Variants in RAB11FIP3 observed in about 807,000 individuals in gnomAD.
RAB11FIP3 encodes the protein RAB11 family interacting protein 3.
In RAB11FIP3, 17 loss-of-function variants were observed where a neutral mutation model predicts 77.8. The observed-to-expected ratio is 0.22, with a 90% CI of 0.15 to 0.33. The LOEUF is 0.33. RAB11FIP3 is among the 10% of genes least tolerant of loss of function. RAB11FIP3 has a pLI of 1.00. For missense variants in RAB11FIP3, 1,005 were observed against 1,011.2 expected (o/e 0.99, Z 0.08); for synonymous variants, 437 against 448.2 (o/e 0.98, Z 0.31).
rs11642748 is a variant in RAB11FIP3, at chr16:471,579, G to A, written c.903+190G>A. ...AGGCCCACAGTTGTCTGTCCCACACGCCCTGTCAGCCTGGGCAGGAATCCT... is the reference window on the plus strand; with the variant it reads ...AGGCCCACAGTTGTCTGTCCCACACACCCTGTCAGCCTGGGCAGGAATCCT... On this transcript the variant is annotated intron_variant, in intron 3 of 13. Transcript: ENST00000262305. The surrounding 1 kb of genome is among the most constrained non-coding windows in gnomAD (Gnocchi z 4.4). Among the ~76,000 whole-genome samples, 724 of 152,290 alleles carry A rather than the reference G, an allele frequency of 4.8e-3. 7 individuals are homozygous for A. Among genetic ancestry groups the A allele is most frequent in the Non-Finnish European group, 8.0e-3 (542 of 68,024 alleles).
chr16:493,689 C>T (rs574657126), intron 5 of RAB11FIP3, among the ~76,000 whole-genome samples: 2 of 152,162 alleles, frequency 1.3e-5, no homozygotes, highest in Admixed American at 6.5e-5. Context: ...TCACTGCAAC[C>T]TCTGCCTCCC....
intron 2 of RAB11FIP3, among the ~76,000 whole-genome samples, chr16:468,255 AGGAGGTGCAGGGAAGTCAG>A (rs2055749014): frequency 8.2e-6 from 1 of 121,460 alleles, no homozygotes; most frequent in African/African-American, 3.2e-5. Context: ...GGCGTCAGGG[AGGAGGTGCAGGGAAGTCAG>A]GGAGGAGGTG....
chr16:437,888 C>T (rs1386033253), intron 1 of RAB11FIP3, among the ~76,000 whole-genome samples: 1 of 151,956 alleles, frequency 6.6e-6, no homozygotes, highest in South Asian at 2.1e-4. Context: ...ATACCCACTG[C>T]AACCTCTGCC....
Position 506,704 on chromosome 16 carries a change from G to T in RAB11FIP3, c.1499+1077G>T, listed in dbSNP as rs2031892972. On this transcript the variant is annotated intron_variant, in intron 8 of 13. Coordinates refer to ENST00000262305, the MANE Select transcript of RAB11FIP3 (RefSeq NM_014700.4). This position sits in a 1 kb window ranked among gnomAD's most constrained non-coding sequence, Gnocchi z 4.5. ...ATTGGAATGCCTCATGGGATTGTGGGCATAACTTGCACATCATTTTAATTC... is the reference window on the plus strand; with the variant it reads ...ATTGGAATGCCTCATGGGATTGTGGTCATAACTTGCACATCATTTTAATTC... Among the ~76,000 whole-genome samples, 1 of 152,230 alleles carries T rather than the reference G, an allele frequency of 6.6e-6. No individual in the cohort carries two copies. Among genetic ancestry groups the T allele is most frequent in the Admixed American group, 6.5e-5 (1 of 15,286 alleles).
Position 482,669 on chromosome 16 carries a change from G to T in RAB11FIP3, c.1048G>T (p.Val350Leu). Reference sequence around the variant, plus strand: ...CGCAGACAGTGCCGGCGGCTCGGCCGTGCCCTCTGAGTGCCTGGACGCCAT... The same window carrying T: ...CGCAGACAGTGCCGGCGGCTCGGCCTTGCCCTCTGAGTGCCTGGACGCCAT... ...GDADSAGGSA[V>L]PSECLDAMEE... Residue 350 changes from valine (V) to leucine (L), a missense_variant, in exon 4 of 14, where the codon GTG becomes TTG. Physicochemically the swap from Val to Leu is conservative, Grantham distance 32. Transcript: ENST00000262305. The T allele has an allele frequency of 6.2e-7, 1 of 1,612,608 alleles. No individual in the cohort carries two copies. The highest frequency in any genetic ancestry group is 8.5e-7 in the Non-Finnish European group (1 of 1,179,938).
chr16:447,509 C>G (rs189967657), intron 1 of RAB11FIP3, among the ~76,000 whole-genome samples: 1 of 151,704 alleles, frequency 6.6e-6, no homozygotes, highest in Non-Finnish European at 1.5e-5. Context: ...GAGGCCGAGG[C>G]GGTGGATCAC....
At chr16:468,953 T>C (rs752532269) in intron 2 of RAB11FIP3, among the ~76,000 whole-genome samples, 7 of 152,252 alleles carry the variant, frequency 4.6e-5, no homozygotes, top group Non-Finnish European at 1.0e-4. Context: ...TGTCATGCGC[T>C]GTGTCCAAAA....
At chr16:493,799 G>T (rs2030831631) in intron 5 of RAB11FIP3, among the ~76,000 whole-genome samples, 1 of 146,832 alleles carries the variant, frequency 6.8e-6, no homozygotes, top group Non-Finnish European at 1.5e-5. Context: ...TAGACACGGG[G>T]TTTCACCATG....
At chr16:449,265 C>G (rs568025769) in intron 1 of RAB11FIP3, among the ~76,000 whole-genome samples, 4 of 152,176 alleles carry the variant, frequency 2.6e-5, no homozygotes, top group African/African-American at 9.7e-5. Flanking sequence ...TGTCTCACAG[C>G]GCTGTCACCA....
intron 4 of RAB11FIP3, among the ~76,000 whole-genome samples, chr16:484,828 G>A (rs536850680): frequency 4.6e-5 from 7 of 152,268 alleles, no homozygotes; most frequent in African/African-American, 1.7e-4. Flanking sequence ...AGCATGGTAC[G>A]GCCCTAAGCA....
At chr16:453,916 C>G (rs1010944714) in intron 1 of RAB11FIP3, among the ~76,000 whole-genome samples, 3 of 147,896 alleles carry the variant, frequency 2.0e-5, no homozygotes, top group African/African-American at 5.1e-5. Context: ...TTTTGTACTT[C>G]AAACAGAAAA....
chr16:475,519 T>C lies in RAB11FIP3; in HGVS notation c.903+4130T>C, dbSNP rs115564539. On this transcript the variant is annotated intron_variant, in intron 3 of 13. Transcript: ENST00000262305. ...CACCGTGCTCTGAGGTACATTTTTG[T>C]CTCTGGAAAGGCAGGTGATGGCTGC... Among the ~76,000 whole-genome samples the C allele has an allele frequency of 6.1e-3, 931 of 152,212 alleles. 11 individuals carry two copies. The highest frequency in any genetic ancestry group is 0.021 in the African/African-American group (886 of 41,524).
Position 522,839 on chromosome 16 carries a change from G to C in RAB11FIP3, c.*2000G>C, listed in dbSNP as rs1567125126. 6.6e-6 allele frequency: 1 copy of C among 152,346 alleles called. No homozygotes were observed. Among genetic ancestry groups the C allele is most frequent in the Non-Finnish European group, 1.5e-5 (1 of 68,156 alleles). The allele number at this position is 152,346 out of a possible 1,614,324, so 9.4% of individuals were successfully genotyped here. ...ACGTACGTCCCATGTCGGGAGAGCC[G>C]TCAAAACGTCCCCGGGATTAAGAGA... On this transcript the variant is annotated 3_prime_UTR_variant, in exon 14 of 14. Coordinates refer to ENST00000262305, the MANE Select transcript of RAB11FIP3 (RefSeq NM_014700.4).
At chr16:489,923 G>A (rs1333620522) in intron 5 of RAB11FIP3, among the ~76,000 whole-genome samples, 1 of 152,234 alleles carries the variant, frequency 6.6e-6, no homozygotes, top group Non-Finnish European at 1.5e-5. Context: ...TGGGAGAGCT[G>A]TGCATGAGTG....
At chr16:429,966 AATGTCATG>A (rs1275198718) in intron 1 of RAB11FIP3, among the ~76,000 whole-genome samples, 1 of 152,106 alleles carries the variant, frequency 6.6e-6, no homozygotes, top group Non-Finnish European at 1.5e-5. Context: ...TTTCTTTAGC[AATGTCATG>A]GTGTGTTTGG....
intron 1 of RAB11FIP3, among the ~76,000 whole-genome samples, chr16:444,815 T>C (rs1032586849): frequency 6.7e-6 from 1 of 148,320 alleles, no homozygotes; most frequent in African/African-American, 2.5e-5. Flanking sequence ...CGAGACTATC[T>C]CTATTAAAAA....
chr16:470,021 G>C (rs2141679429), intron 2 of RAB11FIP3, among the ~76,000 whole-genome samples: 2 of 151,756 alleles, frequency 1.3e-5, no homozygotes, highest in African/African-American at 4.8e-5. Flanking sequence ...TTGAGATGGA[G>C]TCTTGCTCTG....
chr16:443,797 C>G (rs1163008152), intron 1 of RAB11FIP3, among the ~76,000 whole-genome samples: 1 of 152,216 alleles, frequency 6.6e-6, no homozygotes, highest in East Asian at 1.9e-4. Context: ...ATCTCCTGAC[C>G]TTGTGATCCG....
intron 1 of RAB11FIP3, among the ~76,000 whole-genome samples, chr16:450,204 C>T (rs1443760394): frequency 2.6e-5 from 4 of 152,170 alleles, no homozygotes; most frequent in East Asian, 3.9e-4. Context: ...GGGTCTCACT[C>T]TGTCGCCCAG....
Sources: gnomAD v4.1 joint callset for allele counts (sites outside exome capture counted in the v4.1 genomes callset) on GRCh38, gnomAD v4.1.1 for gene constraint, Gnocchi (gnomAD v3.1) non-coding constraint, MANE v1.5 for transcripts, NCBI Gene and HGNC (gene_info 2026-07-23, HGNC 2026-07-21) for gene names.